The following MECOM variants were observed in gnomAD, a reference collection of about 807,000 sequenced individuals.
MECOM encodes histone-lysine N-methyltransferase MECOM.
A neutral mutation model predicts 116.3 loss-of-function variants in MECOM; 13 were observed. The observed-to-expected ratio is 0.11, with a 90% CI of 0.07 to 0.18. The LOEUF is 0.18. Ranked by LOEUF, MECOM falls within the 10% of genes least tolerant of loss-of-function variation. The pLI, the probability that MECOM is intolerant of heterozygous loss-of-function variation, is 1.00. For missense variants in MECOM, 1,299 were observed against 1,509.0 expected (o/e 0.86, Z 2.31); for synonymous variants, 528 against 535.2 (o/e 0.99, Z 0.19).
intron 2 of MECOM, among the ~76,000 whole-genome samples, chr3:169,343,233 C>G (rs943810487): frequency 2.0e-5 from 3 of 152,094 alleles, no homozygotes; most frequent in African/African-American, 7.2e-5. Context: ...AGTCCTTTTT[C>G]TCATCTCTTG....
chr3:169,106,592 C>A (rs1206383356), intron 10 of MECOM, among the ~76,000 whole-genome samples: 1 of 152,092 alleles, frequency 6.6e-6, no homozygotes, highest in African/African-American at 2.4e-5. Context: ...AGCATTGCAA[C>A]GGCAATCACT....
intron 14 of MECOM, among the ~76,000 whole-genome samples, chr3:169,091,282 T>C (rs1719640616): frequency 6.6e-6 from 1 of 152,114 alleles, no homozygotes; most frequent in South Asian, 2.1e-4. Context: ...TATTTGTTAA[T>C]TAAGTTTTCA....
chr3:169,204,772 A>T (rs1159275337), intron 2 of MECOM, among the ~76,000 whole-genome samples: 1 of 152,202 alleles, frequency 6.6e-6, no homozygotes, highest in Non-Finnish European at 1.5e-5. Context: ...AAAGAAAAAA[A>T]GAGTTACAAG....
intron 13 of MECOM, among the ~76,000 whole-genome samples, chr3:169,094,728 C>T (rs1008758373): frequency 2.6e-5 from 4 of 152,214 alleles, no homozygotes; most frequent in Non-Finnish European, 5.9e-5. Flanking sequence ...GAGACTCTGC[C>T]ATGCCTAGAG....
intron 2 of MECOM, among the ~76,000 whole-genome samples, chr3:169,240,779 T>TA (rs1471796310): frequency 1.3e-5 from 2 of 152,210 alleles, no homozygotes; most frequent in Admixed American, 6.5e-5. Flanking sequence ...AGGAGTCAGA[T>TA]ACTAATTATG....
At chr3:169,350,876 C>T (rs1192989696) in intron 2 of MECOM, among the ~76,000 whole-genome samples, 2 of 151,734 alleles carry the variant, frequency 1.3e-5, no homozygotes, top group Non-Finnish European at 2.9e-5. Context: ...ACAAAAATCT[C>T]TTGTTTTCTG....
At chr3:169,095,552 G>T (rs1721188038) in intron 12 of MECOM, among the ~76,000 whole-genome samples, 2 of 152,106 alleles carry the variant, frequency 1.3e-5, no homozygotes, top group South Asian at 4.1e-4. Context: ...CAGTAGCATT[G>T]TTTTATCTTC....
chr3:169,310,145 C>A (rs1718476312), intron 2 of MECOM, among the ~76,000 whole-genome samples: 1 of 152,194 alleles, frequency 6.6e-6, no homozygotes, highest in Admixed American at 6.5e-5. Context: ...TTTCCAATAA[C>A]ATTGTGTCTT....
At chr3:169,487,271 T>C (rs1429646455) in intron 1 of MECOM, among the ~76,000 whole-genome samples, 1 of 151,954 alleles carries the variant, frequency 6.6e-6, no homozygotes, top group Non-Finnish European at 1.5e-5. Flanking sequence ...TGGTAAATAA[T>C]GTGTATAAAT....
chr3:169,146,338 G>C (rs1175048599), intron 2 of MECOM: 1 of 1,313,884 alleles, frequency 7.6e-7, no homozygotes, highest in Non-Finnish European at 9.9e-7. Flanking sequence ...CCAAAGTCGC[G>C]TGGCCAGTGC....
chr3:169,155,680 C>T (rs1209082015), intron 2 of MECOM, among the ~76,000 whole-genome samples: 2 of 152,162 alleles, frequency 1.3e-5, no homozygotes, highest in East Asian at 3.9e-4. Context: ...ATGCAATCTC[C>T]TCTTTTACAA....
chr3:169,172,160 G>C (rs1044383876), intron 2 of MECOM, among the ~76,000 whole-genome samples: 1 of 151,574 alleles, frequency 6.6e-6, no homozygotes, highest in African/African-American at 2.4e-5. Flanking sequence ...CCCATGATTC[G>C]ATCTGAAAGA....
intron 1 of MECOM, among the ~76,000 whole-genome samples, chr3:169,499,813 G>A (rs1754313725): frequency 1.3e-5 from 2 of 151,954 alleles, no homozygotes; most frequent in Non-Finnish European, 1.5e-5. Context: ...CTAGGGAGGA[G>A]GTTAAGACTA....
chr3:169,447,701 T>A (rs1239816896), intron 1 of MECOM, among the ~76,000 whole-genome samples: 1 of 152,042 alleles, frequency 6.6e-6, no homozygotes, highest in Non-Finnish European at 1.5e-5. Context: ...AGGAAACAAC[T>A]AAGAGGAAGA....
At chr3:169,127,822 G>C in intron 5 of MECOM, 22 bp downstream of exon 5, 5 of 1,593,796 alleles carry the variant, frequency 3.1e-6, no homozygotes, top group Non-Finnish European at 4.3e-6. Flanking sequence ...CAAGTTGTAT[G>C]GTACAACATG....
chr3:169,641,153 A>G (rs191864533), intron 1 of MECOM, among the ~76,000 whole-genome samples: 66 of 152,324 alleles, frequency 4.3e-4, no homozygotes, highest in African/African-American at 1.3e-3. Context: ...CTGTTTGGTG[A>G]TCAAGAAAGC....
intron 1 of MECOM, among the ~76,000 whole-genome samples, chr3:169,509,924 A>G (rs1445901216): frequency 1.3e-5 from 2 of 152,246 alleles, no homozygotes; most frequent in Admixed American, 6.5e-5. Flanking sequence ...AGGCTTACGC[A>G]TCTCTTGACT....
intron 2 of MECOM, among the ~76,000 whole-genome samples, chr3:169,180,794 G>GAGATAGATAGATATATATATATAT (rs1553760969): frequency 9.2e-6 from 1 of 108,718 alleles, no homozygotes; most frequent in African/African-American, 3.2e-5. Context: ...GTGTGGAGAT[G>GAGATAGATAGATATATATATATAT]ATATATATAT....
chr3:169,609,457 A>ATTT lies in MECOM; in HGVS notation c.37+53876_37+53878dup, dbSNP rs5854341. On this transcript the variant is annotated intron_variant, in intron 1 of 16. Transcript: ENST00000651503. ...ATGTGCAGTGTTATTTCAGTTAATC[A>ATTT]TTTTTTTTTTTTTGCAATTTAAGTG... 2.4e-3 allele frequency among the ~76,000 whole-genome samples: 354 copies of ATTT among 149,276 alleles called. 3 individuals are homozygous for ATTT. Among genetic ancestry groups the ATTT allele is most frequent in the Admixed American group, 0.012 (172 of 14,948 alleles).
Sources: gnomAD v4.1 joint callset for allele counts (sites outside exome capture counted in the v4.1 genomes callset) on GRCh38, gnomAD v4.1.1 for gene constraint, MANE v1.5 for transcripts, NCBI Gene and HGNC (gene_info 2026-07-23, HGNC 2026-07-21) for gene names.